The following COL17A1 variants were observed in gnomAD, a reference collection of about 807,000 sequenced individuals.
COL17A1 encodes the protein collagen type XVII alpha 1 chain, also known as collagen alpha-1(XVII) chain.
COL17A1 carries 181 observed loss-of-function variants against 218.4 expected under a neutral mutation model. The observed-to-expected ratio is 0.83, with a 90% CI of 0.73 to 0.94. The LOEUF (loss-of-function observed/expected upper bound fraction) is 0.94. Among genes scored for constraint, COL17A1 ranks in the 40% least tolerant of loss-of-function variants. The pLI is 0.00. For synonymous variants in COL17A1, 721 were observed against 731.0 expected (o/e 0.99, Z 0.22); for missense variants, 1,924 against 1,945.9 (o/e 0.99, Z 0.21).
In COL17A1 at chr10:104,039,433, T is replaced by C. The variant is rs2086335236; in HGVS notation, c.2896+12A>G. ...CTACTCCTCACCACCTTCTCACTGCTCCCTCACTGACCTTTGTCACCTTTG... is the reference window on the plus strand; with the variant it reads ...CTACTCCTCACCACCTTCTCACTGCCCCCTCACTGACCTTTGTCACCTTTG... On this transcript the variant is annotated intron_variant, in intron 43 of 55. Coordinates refer to ENST00000648076, the MANE Select transcript of COL17A1 (RefSeq NM_000494.4). 1 of 1,613,600 alleles carries C rather than the reference T, an allele frequency of 6.2e-7. No individual in the cohort carries two copies.
At chr10:104,043,384 A>G in intron 35 of COL17A1, 117 bp downstream of exon 35, 1 of 953,868 alleles carries the variant, frequency 1.0e-6, no homozygotes, top group Non-Finnish European at 1.7e-6. Flanking sequence ...CAAACTCCTT[A>G]TTCTCTTTAC....
intron 51 of COL17A1, 41 bp from the exon 52 acceptor site, chr10:104,034,375 G>A (rs778721264): frequency 5.7e-5 from 87 of 1,531,372 alleles, no homozygotes; most frequent in Admixed American, 9.9e-5. Flanking sequence ...CTCAGATCTC[G>A]GTGGAGAGAA....
rs779209179 is a variant in COL17A1 at position 104,034,717 on chromosome 10, C to G, written c.3670G>C (p.Gly1224Arg). 6.2e-7 allele frequency: 1 copy of G among 1,611,896 alleles called. No individual in the cohort carries two copies. The highest frequency in any genetic ancestry group is 1.3e-5 in the African/African-American group (1 of 74,908). The change falls in exon 51 of 56, where the codon GGG (glycine) becomes CGG (arginine). Residue 1224 changes from glycine (G) to arginine (R), a missense_variant. Transcript: ENST00000648076. Reference protein sequence around the residue: ...PGPPGPPGPPGPRGPPGVSGA... With the variant: ...PGPPGPPGPPRPRGPPGVSGA... ...GAGACACCCGGGGGCCCTCGAGGCCCTGGGGGACCAGGAGGTCCTGGAGGG... is the reference window on the plus strand; with the variant it reads ...GAGACACCCGGGGGCCCTCGAGGCCGTGGGGGACCAGGAGGTCCTGGAGGG...
intron 40 of COL17A1, 77 bp from the exon 41 acceptor site, chr10:104,040,076 GA>G: frequency 6.6e-7 from 1 of 1,512,742 alleles, no homozygotes. Flanking sequence ...TGGAGGAGGG[GA>G]TAGGGGCTCC....
intron 55 of COL17A1, 53 bp downstream of exon 55, chr10:104,032,621 G>A (rs997754928): frequency 1.1e-5 from 17 of 1,548,044 alleles, no homozygotes; most frequent in Middle Eastern, 3.3e-4. Flanking sequence ...TCTAATGAGC[G>A]TCAGCCTTGC....
At chr10:104,055,120 C>G in intron 19 of COL17A1, 113 bp from the exon 20 acceptor site, 1 of 1,554,308 alleles carries the variant, frequency 6.4e-7, no homozygotes, top group South Asian at 1.2e-5. Context: ...CAAGGTGAGG[C>G]GACATGCGGC....
chr10:104,051,387 TG>T, intron 25 of COL17A1, 93 bp downstream of exon 25: 1 of 1,491,114 alleles, frequency 6.7e-7, no homozygotes, highest in Non-Finnish European at 9.3e-7. Context: ...GCTTTATAAT[TG>T]CTTCTTTGGC....
At chr10:104,050,061 T>C (rs1209934330) in intron 28 of COL17A1, 28 bp downstream of exon 28, 1 of 1,614,030 alleles carries the variant, frequency 6.2e-7, no homozygotes, top group South Asian at 1.1e-5. Context: ...CGTGGATAGA[T>C]TAAAGTAGAT....
intron 17 of COL17A1, among the ~76,000 whole-genome samples, chr10:104,056,218 T>G (rs904063756): frequency 1.3e-5 from 2 of 152,190 alleles, no homozygotes; most frequent in African/African-American, 2.4e-5. Context: ...TGGGAGTCAG[T>G]CTTCTCATCT....
At chr10:104,049,325 C>T in intron 29 of COL17A1, 84 bp downstream of exon 29, 1 of 1,247,838 alleles carries the variant, frequency 8.0e-7, no homozygotes, top group Non-Finnish European at 1.2e-6. Flanking sequence ...GTAGGAGAGG[C>T]AGCTCTAGAA....
At position 104,035,390 on chromosome 10, in the gene COL17A1, G is replaced by A. The variant is rs2086269337; in HGVS notation, c.3509-17C>T. 1 of 1,613,732 alleles carries A rather than the reference G, an allele frequency of 6.2e-7. No homozygotes were observed. Among genetic ancestry groups the A allele is most frequent in the Non-Finnish European group, 8.5e-7 (1 of 1,179,676 alleles). On this transcript the variant is annotated splice_polypyrimidine_tract_variant and intron_variant, in intron 49 of 55. Transcript: ENST00000648076. ...ATTCAGACCCTGAGACACCAAGGGA[G>A]GGCACGGAGTCAGTCCTGGCCTGGG...
chr10:104,036,189 T>TATGG (rs1564671526), intron 48 of COL17A1, among the ~76,000 whole-genome samples: 4 of 174 alleles, frequency 0.023, no homozygotes, highest in Non-Finnish European at 0.032. Flanking sequence ...TGGAAGTGAG[T>TATGG]GTGTGTGTGT....
chr10:104,036,089 AG>A (rs2086290039), intron 48 of COL17A1, among the ~76,000 whole-genome samples: 1 of 1,514 alleles, frequency 6.6e-4, no homozygotes, highest in African/African-American at 2.6e-3. Context: ...TGTGTATGGG[AG>A]TGTGTGTGTA....
chr10:104,074,303 G>T, intron 5 of COL17A1, 72 bp from the exon 6 acceptor site: 4 of 1,607,638 alleles, frequency 2.5e-6, no homozygotes, highest in East Asian at 2.2e-5. Flanking sequence ...GGGAGGTAGT[G>T]CCTGTTACTT....
chr10:104,073,198 G>A lies in COL17A1; in HGVS notation c.415+12C>T. 6.2e-7 allele frequency: 1 copy of A among 1,613,176 alleles called. No homozygotes were observed. Among genetic ancestry groups the A allele is most frequent in the Non-Finnish European group, 8.5e-7 (1 of 1,179,204 alleles). On this transcript the variant is annotated intron_variant, in intron 7 of 55. Coordinates refer to ENST00000648076, the MANE Select transcript of COL17A1 (RefSeq NM_000494.4). The stretch of plus-strand genomic sequence containing the variant: ...TTGAATGAATTGGACTGAACCCAGT[G>A]ACAGCACTCACCTCGTGTTTGACTC...
chr10:104,058,096 A>G, intron 16 of COL17A1, 50 bp downstream of exon 16: 1 of 1,612,256 alleles, frequency 6.2e-7, no homozygotes, highest in South Asian at 1.1e-5. Flanking sequence ...CATTAGCCAT[A>G]AGCAGCCCCA....
At chr10:104,041,265 T>C in intron 38 of COL17A1, 38 bp downstream of exon 38, 2 of 1,596,696 alleles carry the variant, frequency 1.3e-6, no homozygotes, top group Non-Finnish European at 1.7e-6. Context: ...ACCTCTCACC[T>C]CCCCCTCCCA....
At chr10:104,040,068 G>A (rs1168481373) in intron 40 of COL17A1, 69 bp from the exon 41 acceptor site, 1 of 1,560,150 alleles carries the variant, frequency 6.4e-7, no homozygotes. Context: ...TGGGCCCATG[G>A]AGGAGGGGAT....
At chr10:104,050,588 C>A in intron 27 of COL17A1, 33 bp downstream of exon 27, 1 of 1,612,576 alleles carries the variant, frequency 6.2e-7, no homozygotes, top group Non-Finnish European at 8.5e-7. Context: ...GAGGCAGGCC[C>A]TGGTAATGAC....
Sources: gnomAD v4.1 joint callset for allele counts (sites outside exome capture counted in the v4.1 genomes callset) on GRCh38, gnomAD v4.1.1 for gene constraint, MANE v1.5 for transcripts, NCBI Gene and HGNC (gene_info 2026-07-23, HGNC 2026-07-21) for gene names.